GAD2: variants seen among roughly 807,000 people sequenced by gnomAD.
GAD2 encodes the protein glutamate decarboxylase 2.
GAD2 carries 22 observed loss-of-function variants against 80.1 expected under a neutral mutation model. That is an observed-to-expected ratio of 0.27 (90% CI 0.20 to 0.39). GAD2 has a LOEUF of 0.39. GAD2 is among the 10% of genes least tolerant of loss of function. The pLI, the probability that GAD2 is intolerant of heterozygous loss-of-function variation, is 1.00. For missense variants in GAD2, 624 were observed against 738.4 expected, an observed-to-expected ratio of 0.85 and a Z score of 1.80; for synonymous variants, 274 against 256.9, an observed-to-expected ratio of 1.07 and a Z score of -0.64.
At chr10:26,236,596 T>G (rs1844675333) in intron 7 of GAD2, among the ~76,000 whole-genome samples, 1 of 152,186 alleles carries the variant, frequency 6.6e-6, no homozygotes, top group African/African-American at 2.4e-5. Flanking sequence ...CCACCGCACC[T>G]GGCCATAAAG....
intron 7 of GAD2, among the ~76,000 whole-genome samples, chr10:26,235,611 C>T (rs535205126): frequency 5.9e-5 from 9 of 152,322 alleles, no homozygotes; most frequent in African/African-American, 1.7e-4. Flanking sequence ...AATAGAGAAT[C>T]ACAAAATCTC....
Position 26,219,278 on chromosome 10 carries a change from T to C in GAD2, c.520+2T>C. 1 of 1,511,048 alleles carries C rather than the reference T, an allele frequency of 6.6e-7. No individual in the cohort carries two copies. Among genetic ancestry groups the C allele is most frequent in the Non-Finnish European group, 9.1e-7 (1 of 1,103,468 alleles). The allele number at this position is 1,511,048 out of a possible 1,614,324, so 93.6% of individuals were successfully genotyped here. A position where few individuals can be genotyped will look rare whatever the true frequency, so the allele number is the denominator to read the frequency against. ...CTCTAAAATATGCAATTAAAACAGG[T>C]ATTGTCTCATCGAAAATAATAAAGC... is the stretch of plus-strand genomic sequence containing the variant. On this transcript the variant is annotated splice_donor_variant, in intron 4 of 15. Coordinates refer to ENST00000376261, the MANE Select transcript of GAD2 (RefSeq NM_001134366.2). LOFTEE classifies it high-confidence loss of function.
intron 6 of GAD2, among the ~76,000 whole-genome samples, chr10:26,225,372 G>A (rs1446446425): frequency 8.5e-5 from 13 of 152,168 alleles, no homozygotes; most frequent in Admixed American, 8.5e-4. Flanking sequence ...TTCTGTGTGT[G>A]ACCTTGGTTT....
intron 4 of GAD2, among the ~76,000 whole-genome samples, chr10:26,222,656 A>G (rs1238874156): frequency 6.6e-6 from 1 of 152,224 alleles, no homozygotes; most frequent in African/African-American, 2.4e-5. Context: ...AGAATGTACA[A>G]TAGATACACA....
intron 11 of GAD2, among the ~76,000 whole-genome samples, chr10:26,275,699 G>A (rs1210432260): frequency 6.6e-6 from 1 of 152,212 alleles, no homozygotes; most frequent in African/African-American, 2.4e-5. Flanking sequence ...ATGGCCACAA[G>A]TTTAGGAAAG....
chr10:26,227,079 A>G (rs1458522358), intron 6 of GAD2, among the ~76,000 whole-genome samples: 1 of 152,168 alleles, frequency 6.6e-6, no homozygotes, highest in African/African-American at 2.4e-5. Flanking sequence ...TGCAACCTCC[A>G]TCTCCTGGGT....
intron 13 of GAD2, among the ~76,000 whole-genome samples, chr10:26,287,744 C>G (rs1490667172): frequency 1.3e-5 from 2 of 152,174 alleles, no homozygotes; most frequent in Admixed American, 1.3e-4. Flanking sequence ...TTCCCTGGCT[C>G]TATCTATCAG....
chr10:26,271,377 A>G (rs922985402), intron 10 of GAD2, among the ~76,000 whole-genome samples: 3 of 147,004 alleles, frequency 2.0e-5, no homozygotes, highest in Non-Finnish European at 4.4e-5. Flanking sequence ...TTTTCCAATG[A>G]AAAAAAATGT....
At chr10:26,258,465 A>G (rs914695965) in intron 8 of GAD2, among the ~76,000 whole-genome samples, 2 of 152,196 alleles carry the variant, frequency 1.3e-5, no homozygotes, top group Non-Finnish European at 2.9e-5. Flanking sequence ...TGCAACCATC[A>G]TCAATATTCA....
At chr10:26,266,253 T>A (rs1334489419) in intron 8 of GAD2, among the ~76,000 whole-genome samples, 1 of 152,292 alleles carries the variant, frequency 6.6e-6, no homozygotes, top group South Asian at 2.1e-4. Flanking sequence ...CAATAAATAT[T>A]TGTGGGATGA....
At chr10:26,290,703 G>A (rs368737843) in intron 13 of GAD2, among the ~76,000 whole-genome samples, 11 of 152,276 alleles carry the variant, frequency 7.2e-5, no homozygotes, top group African/African-American at 2.6e-4. Context: ...ATCATGACCA[G>A]CTCTCAAGAT....
chr10:26,228,113 G>T (rs917324543), intron 6 of GAD2, among the ~76,000 whole-genome samples: 2 of 152,362 alleles, frequency 1.3e-5, no homozygotes, highest in African/African-American at 4.8e-5. Context: ...AGGACTTGGG[G>T]TGTTCCCCTT....
At chr10:26,275,855 A>C (rs999685122) in intron 11 of GAD2, among the ~76,000 whole-genome samples, 1 of 152,190 alleles carries the variant, frequency 6.6e-6, no homozygotes, top group Admixed American at 6.5e-5. Context: ...CCTGAATGCC[A>C]TTCTCATACA....
Position 26,302,824 on chromosome 10 carries a change from C to T in GAD2, c.*1863C>T, listed in dbSNP as rs1834342101. 6.6e-6 allele frequency: 1 copy of T among 152,320 alleles called. No homozygotes were observed. Among genetic ancestry groups the T allele is most frequent in the Middle Eastern group, 3.4e-3 (1 of 294 alleles). The allele number at this position is 152,320 out of a possible 1,614,324, so 9.4% of individuals were successfully genotyped here. ...CTGTCTAGAAAAACAAATGGGTTCA[C>T]TATGACAATCAGAAATAAACTCTTT... On this transcript the variant is annotated 3_prime_UTR_variant, in exon 16 of 16. Transcript: ENST00000376261.
chr10:26,278,192 A>G (rs1372004864), intron 11 of GAD2, among the ~76,000 whole-genome samples: 3 of 152,210 alleles, frequency 2.0e-5, no homozygotes, highest in African/African-American at 4.8e-5. Context: ...ACAGCCAGAC[A>G]TGGAAGACAG....
At chr10:26,293,117 T>C in intron 15 of GAD2, 126 bp downstream of exon 15, 1 of 689,598 alleles carries the variant, frequency 1.5e-6, no homozygotes, top group Non-Finnish European at 2.6e-6. Context: ...TTCCCGTCTG[T>C]GGACTCCTAC....
chr10:26,224,741 G>A, intron 6 of GAD2, 90 bp downstream of exon 6: 3 of 912,496 alleles, frequency 3.3e-6, no homozygotes, highest in Non-Finnish European at 5.3e-6. Flanking sequence ...TCTAGCCTAT[G>A]CCTCTGCTTA....
intron 8 of GAD2, among the ~76,000 whole-genome samples, chr10:26,263,218 T>C (rs1289231045): frequency 1.3e-5 from 2 of 152,194 alleles, no homozygotes; most frequent in Non-Finnish European, 2.9e-5. Context: ...AGTGATTCAA[T>C]TGTGCACATT....
At chr10:26,280,982 C>A in intron 11 of GAD2, 27 bp from the exon 12 acceptor site, 1 of 1,589,180 alleles carries the variant, frequency 6.3e-7, no homozygotes, top group Non-Finnish European at 8.6e-7. Flanking sequence ...TGGAGTGCCA[C>A]CCGCTTATGT....
Sources: allele counts gnomAD v4.1 joint callset (sites outside exome capture counted in the v4.1 genomes callset), GRCh38; gene constraint gnomAD v4.1.1; transcripts MANE v1.5; gene names NCBI Gene and HGNC (gene_info 2026-07-23, HGNC 2026-07-21).